Variants in ZNF771 observed in about 807,000 individuals in gnomAD.
ZNF771 encodes the protein zinc finger protein 771.
A neutral mutation model predicts 27.6 loss-of-function variants in ZNF771; 10 were observed. The observed-to-expected ratio is 0.36, with a 90% CI of 0.22 to 0.61. ZNF771 has a LOEUF of 0.61. Among genes scored for constraint, ZNF771 ranks in the 20% least tolerant of loss-of-function variants. The pLI is 0.70. For synonymous variants in ZNF771, 261 were observed against 225.2 expected (o/e 1.16, Z -1.43); for missense variants, 438 against 503.7 (o/e 0.87, Z 1.25).
intron 1 of ZNF771, 161 bp from the exon 2 acceptor site, chr16:30,407,884 T>C (rs2050083800): frequency 3.9e-6 from 2 of 513,240 alleles, no homozygotes; most frequent in East Asian, 7.2e-5. Flanking sequence ...TGCCAGAGCG[T>C]GGGGCCGGGC....
chr16:30,415,226 G>A (rs1046568672), intron 2 of ZNF771, among the ~76,000 whole-genome samples: 10 of 151,810 alleles, frequency 6.6e-5, no homozygotes, highest in African/African-American at 2.4e-4. Flanking sequence ...CCAAAGTACT[G>A]GGATTACAGG....
At position 30,417,944 on chromosome 16, in the gene ZNF771, C is replaced by T. The variant is rs1281897400; in HGVS notation, c.531C>T (p.Cys177=). The T allele has an allele frequency of 2.6e-6, 4 of 1,513,700 alleles. No individual in the cohort carries two copies. The South Asian group carries it at 3.7e-5, about 14-fold the overall frequency. The allele number at this position is 1,513,700 out of a possible 1,614,324, so 93.8% of individuals were successfully genotyped here. A position where few individuals can be genotyped will look rare whatever the true frequency, so the allele number is the denominator to read the frequency against. ...RVHTGEKPYA[C]PDCGRAFGGS... is the part of the protein sequence containing the mutation. ...ACACGGGCGAGAAGCCGTACGCGTG[C>T]CCGGACTGCGGACGCGCCTTTGGCG... is the stretch of plus-strand genomic sequence containing the variant. Residue 177 remains cysteine (C), a synonymous_variant, in exon 3 of 3, where the codon TGC becomes TGT. Coordinates refer to ENST00000319296, the MANE Select transcript of ZNF771 (RefSeq NM_001142305.2).
chr16:30,408,151 A>C lies in ZNF771; in HGVS notation c.98A>C (p.Lys33Thr). Residue 33 changes from lysine (K) to threonine (T), a missense_variant, in exon 2 of 3, where the codon AAG becomes ACG. By Grantham distance (78) the Lys-to-Thr change is moderately conservative. Transcript: ENST00000319296. ...VKGEEDEGEE[K>T]YEVVKLKIPM... ...GGTGAGGAGGATGAGGGTGAGGAGA[A>C]GTATGAGGTGGTGAAACTCAAGATC... The C allele has an allele frequency of 6.2e-7, 1 of 1,613,462 alleles. No individual in the cohort carries two copies. The highest frequency in any genetic ancestry group is 8.5e-7 in the Non-Finnish European group (1 of 1,179,514).
Position 30,418,348 on chromosome 16 carries a change from C to T in ZNF771, c.935C>T (p.Pro312Leu), listed in dbSNP as rs1188954664. ...ATAATATERC[P>L]ECEGS The stretch of plus-strand genomic sequence containing the variant: ...GCCGCCACTGCCACCGAGCGTTGCC[C>T]GGAGTGTGAGGGCAGCTGAGTCCCG... The change falls in exon 3 of 3, where the codon CCG (proline) becomes CTG (leucine). Residue 312 changes from proline (P) to leucine (L), a missense_variant. By Grantham distance (98) the Pro-to-Leu change is moderately conservative. Coordinates refer to ENST00000319296, the MANE Select transcript of ZNF771 (RefSeq NM_001142305.2). 7.6e-6 allele frequency: 11 copies of T among 1,446,954 alleles called. No homozygotes were observed. The highest frequency in any genetic ancestry group is 4.4e-5 in the African/African-American group (3 of 67,908). 89.6% of individuals were successfully genotyped at this position (1,446,954 alleles called of 1,614,324 possible). A position where few individuals can be genotyped will look rare whatever the true frequency, so the allele number is the denominator to read the frequency against.
chr16:30,417,720 A>T lies in ZNF771; in HGVS notation c.307A>T (p.Lys103Ter), dbSNP rs1260376893. ...CGAGTGCGGGCGGCGCTTCTCACAG[A>T]AGTCGGCGCTGACCAAACACGGCCG... ...CTECGRRFSQ[K>*]SALTKHGRTH... The change falls in exon 3 of 3, where the codon AAG (lysine) becomes TAG (stop). Residue 103 changes from lysine (K) to a stop codon, truncating the protein, a stop_gained. Transcript: ENST00000319296. LOFTEE classifies it high-confidence loss of function. 1 of 1,392,300 alleles carries T rather than the reference A, an allele frequency of 7.2e-7. No individual in the cohort carries two copies. Among genetic ancestry groups the T allele is most frequent in the Admixed American group, 3.5e-5 (1 of 28,932 alleles). The allele number at this position is 1,392,300 out of a possible 1,614,324, so 86.2% of individuals were successfully genotyped here. A position where few individuals can be genotyped will look rare whatever the true frequency, so the allele number is the denominator to read the frequency against.
chr16:30,409,566 C>A (rs1368060050), intron 2 of ZNF771, among the ~76,000 whole-genome samples: 2 of 152,200 alleles, frequency 1.3e-5, no homozygotes. Context: ...GCTTTGGCCC[C>A]AGGGACCCAG....
intron 2 of ZNF771, among the ~76,000 whole-genome samples, chr16:30,415,881 T>C (rs1406904941): frequency 6.6e-6 from 1 of 152,144 alleles, no homozygotes; most frequent in Admixed American, 6.6e-5. Flanking sequence ...CGTTCTCTTT[T>C]CTAGGAAGGG....
chr16:30,410,745 C>T lies in ZNF771; in HGVS notation c.141+2551C>T, dbSNP rs1296225780. Among the ~76,000 whole-genome samples, 4 of 145,032 alleles carry T rather than the reference C, an allele frequency of 2.8e-5. No homozygotes were observed. In the South Asian group the frequency reaches 6.8e-4, roughly 25 times the overall value. On this transcript the variant is annotated intron_variant, in intron 2 of 2. Transcript: ENST00000319296. ...GCCTTAAATCATGGGAAGAGCCAGGCGTGGTGGCTCACACCTGTAATCCTA... is the reference window on the plus strand; with the variant it reads ...GCCTTAAATCATGGGAAGAGCCAGGTGTGGTGGCTCACACCTGTAATCCTA...
rs902710689 is a variant in ZNF771 at position 30,418,777 on chromosome 16, A to G, written c.*410A>G. On this transcript the variant is annotated 3_prime_UTR_variant, in exon 3 of 3. Coordinates refer to ENST00000319296, the MANE Select transcript of ZNF771 (RefSeq NM_001142305.2). The stretch of plus-strand genomic sequence containing the variant: ...ACTTGGCCCTTGGTTACGTCCTCAT[A>G]ACCTTAGACCTGAAAGGGCCCATAA... The G allele has an allele frequency of 6.7e-5, 13 of 195,272 alleles. No individual in the cohort carries two copies. The highest frequency in any genetic ancestry group is 1.2e-4 in the Non-Finnish European group (12 of 97,332). 12.1% of individuals were successfully genotyped at this position (195,272 alleles called of 1,614,324 possible).
intron 2 of ZNF771, among the ~76,000 whole-genome samples, chr16:30,408,996 A>G (rs2050090778): frequency 6.7e-6 from 1 of 148,944 alleles, no homozygotes; most frequent in Non-Finnish European, 1.5e-5. Context: ...TTGTTTTGAG[A>G]CAGAGTTTCG....
chr16:30,418,421 C>T lies in ZNF771; in HGVS notation c.*54C>T, dbSNP rs1798803479. ...GGGGCTTCGACCTGGCTGCACTAACCCAGGCTCCTCCTCGCCCCGGCCTCC... is the reference window on the plus strand; with the variant it reads ...GGGGCTTCGACCTGGCTGCACTAACTCAGGCTCCTCCTCGCCCCGGCCTCC... On this transcript the variant is annotated 3_prime_UTR_variant, in exon 3 of 3. Coordinates refer to ENST00000319296, the MANE Select transcript of ZNF771 (RefSeq NM_001142305.2). 7.4e-7 allele frequency: 1 copy of T among 1,343,872 alleles called. No individual in the cohort carries two copies. Among genetic ancestry groups the T allele is most frequent in the Non-Finnish European group, 9.5e-7 (1 of 1,048,940 alleles). The allele number at this position is 1,343,872 out of a possible 1,614,324, so 83.2% of individuals were successfully genotyped here.
At position 30,408,073 on chromosome 16, in the gene ZNF771, C is replaced by A; in HGVS notation, c.20C>A (p.Ala7Glu). Residue 7 changes from alanine (A) to glutamate (E), a missense_variant, in exon 2 of 3, where the codon GCA becomes GAA. Transcript: ENST00000319296. ...ACCAAGATGCCTGGCGAACAGCAGGCAGAGGAAGAGGAGGAGGAAGAGATG... is the reference window on the plus strand; with the variant it reads ...ACCAAGATGCCTGGCGAACAGCAGGAAGAGGAAGAGGAGGAGGAAGAGATG... MPGEQQ[A>E]EEEEEEEMQE... 1 of 1,597,996 alleles carries A rather than the reference C, an allele frequency of 6.3e-7. No individual in the cohort carries two copies.
At position 30,417,745 on chromosome 16, in the gene ZNF771, G is replaced by A. The variant is rs1269599183; in HGVS notation, c.332G>A (p.Arg111His). The change falls in exon 3 of 3, where the codon CGC becomes CAC. Residue 111 changes from arginine to histidine, a missense_variant. Arg to His is a conservative substitution (Grantham distance 29, BLOSUM62 0). Transcript: ENST00000319296. ...AAGTCGGCGCTGACCAAACACGGCC[G>A]CACGCACACGGGCGAGCGGCCCTAC... ...SQKSALTKHG[R>H]THTGERPYEC... 2.1e-6 allele frequency: 3 copies of A among 1,415,482 alleles called. No homozygotes were observed. The highest frequency in any genetic ancestry group is 2.8e-6 in the Non-Finnish European group (3 of 1,090,472). 87.7% of individuals were successfully genotyped at this position (1,415,482 alleles called of 1,614,324 possible).
At position 30,418,248 on chromosome 16, in the gene ZNF771, C is replaced by T; in HGVS notation, c.835C>T (p.Arg279Cys). 1.3e-6 allele frequency: 2 copies of T among 1,514,822 alleles called. No homozygotes were observed. The highest frequency in any genetic ancestry group is 8.8e-7 in the Non-Finnish European group (1 of 1,138,272). The allele number at this position is 1,514,822 out of a possible 1,614,324, so 93.8% of individuals were successfully genotyped here. The change falls in exon 3 of 3, where the codon CGC (arginine) becomes TGC (cysteine). Residue 279 changes from arginine to cysteine, a missense_variant. By Grantham distance (180) the Arg-to-Cys change is radical (BLOSUM62 -3). Around this residue, in one of 3 missense-constraint regions of ZNF771, gnomAD observed 305 missense variants for 308.0 expected, o/e 0.99. Transcript: ENST00000319296. ...RLSSHFIRHR[R>C]AHMRRRLYIC... The stretch of plus-strand genomic sequence containing the variant: ...AAGCTCGCACTTCATTCGCCACCGA[C>T]GCGCGCACATGCGGCGCCGCCTGTA...
chr16:30,415,217 C>T (rs1317179008), intron 2 of ZNF771, among the ~76,000 whole-genome samples: 2 of 151,760 alleles, frequency 1.3e-5, no homozygotes, highest in African/African-American at 4.8e-5. Context: ...CTCGATCTCC[C>T]AAAGTACTGG....
At chr16:30,409,258 G>C (rs192084111) in intron 2 of ZNF771, among the ~76,000 whole-genome samples, 1 of 152,180 alleles carries the variant, frequency 6.6e-6, no homozygotes, top group Non-Finnish European at 1.5e-5. Flanking sequence ...TTATAGGTGT[G>C]AGCCACCGTA....
chr16:30,408,043 A>T lies in ZNF771; in HGVS notation c.-9-2A>T. On this transcript the variant is annotated splice_acceptor_variant, in intron 1 of 2. Coordinates refer to ENST00000319296, the MANE Select transcript of ZNF771 (RefSeq NM_001142305.2). LOFTEE classifies it low-confidence loss of function (5UTR_SPLICE). ...AGCTTCTGATCCAGCTCCCCGCCTC[A>T]GGACACCAAGATGCCTGGCGAACAG... 6.5e-7 allele frequency: 1 copy of T among 1,535,542 alleles called. No homozygotes were observed. Among genetic ancestry groups the T allele is most frequent in the Non-Finnish European group, 8.8e-7 (1 of 1,137,666 alleles).
intron 2 of ZNF771, among the ~76,000 whole-genome samples, chr16:30,409,532 A>G (rs1217865947): frequency 1.3e-5 from 2 of 152,022 alleles, no homozygotes; most frequent in Non-Finnish European, 2.9e-5. Flanking sequence ...CCCCAGCCTG[A>G]GCAGCCCTGA....
chr16:30,416,221 G>C (rs1400865938), intron 2 of ZNF771, among the ~76,000 whole-genome samples: 2 of 152,112 alleles, frequency 1.3e-5, no homozygotes, highest in Non-Finnish European at 2.9e-5. Context: ...CCTAGGTTCT[G>C]TCTGCCCATC....
Sources: gnomAD v4.1 joint callset for allele counts (sites outside exome capture counted in the v4.1 genomes callset) on GRCh38, gnomAD v4.1.1 for gene constraint, gnomAD v4.1.1 regional missense constraint, MANE v1.5 for transcripts, NCBI Gene and HGNC (gene_info 2026-07-23, HGNC 2026-07-21) for gene names.